Variants in ADAMTSL3 observed in about 807,000 individuals in gnomAD.
ADAMTSL3 encodes the protein ADAMTS-like protein 3.
A neutral mutation model predicts 201.7 loss-of-function variants in ADAMTSL3; 128 were observed. The observed-to-expected ratio is 0.63, with a 90% CI of 0.55 to 0.73. The LOEUF is 0.73. Ranked by LOEUF, ADAMTSL3 falls within the 30% of genes least tolerant of loss-of-function variation. ADAMTSL3 has a pLI of 0.00. For synonymous variants in ADAMTSL3, 738 were observed against 748.4 expected, an observed-to-expected ratio of 0.99 and a Z score of 0.23; for missense variants, 1,990 against 2,119.6, an observed-to-expected ratio of 0.94 and a Z score of 1.20.
rs532186765 is a variant in ADAMTSL3 at position 84,038,602 on chromosome 15, C to T, written c.*796C>T. The T allele has an allele frequency of 2.0e-5, 3 of 152,692 alleles. No individual in the cohort carries two copies. The highest frequency in any genetic ancestry group is 4.1e-4 in the South Asian group (2 of 4,824). 9.5% of individuals were successfully genotyped at this position (152,692 alleles called of 1,614,324 possible). ...TTTTTCTAAGCACTATTCTATTGCA[C>T]ACAAACAGAAAACCAAAGCCTTATT... is the stretch of plus-strand genomic sequence containing the variant. On this transcript the variant is annotated 3_prime_UTR_variant, in exon 30 of 30. Transcript: ENST00000286744.
At chr15:83,658,464 C>G (rs2061121639) in intron 2 of ADAMTSL3, among the ~76,000 whole-genome samples, 1 of 152,190 alleles carries the variant, frequency 6.6e-6, no homozygotes, top group Non-Finnish European at 1.5e-5. Context: ...TATTCACTGC[C>G]CACAAATAAT....
At chr15:83,833,432 A>T (rs1329837141) in intron 6 of ADAMTSL3, among the ~76,000 whole-genome samples, 1 of 151,918 alleles carries the variant, frequency 6.6e-6, no homozygotes, top group African/African-American at 2.4e-5. Flanking sequence ...TGAGGTCTCT[A>T]CCCTCATGAC....
intron 2 of ADAMTSL3, among the ~76,000 whole-genome samples, chr15:83,700,503 CCT>C (rs2061757481): frequency 6.6e-6 from 1 of 152,202 alleles, no homozygotes; most frequent in Admixed American, 6.5e-5. Context: ...GTGGCTCATG[CCT>C]GTAATCCCAG....
At chr15:83,808,770 T>C (rs1596247532) in intron 5 of ADAMTSL3, among the ~76,000 whole-genome samples, 1 of 152,162 alleles carries the variant, frequency 6.6e-6, no homozygotes, top group East Asian at 1.9e-4. Flanking sequence ...ATGTGGTATA[T>C]ATACACAATG....
chr15:83,731,938 G>C (rs1400467878), intron 3 of ADAMTSL3, among the ~76,000 whole-genome samples: 1 of 151,966 alleles, frequency 6.6e-6, no homozygotes, highest in Non-Finnish European at 1.5e-5. Flanking sequence ...ATGGAGAGGA[G>C]ATGTTGGTTA....
chr15:83,655,714 T>G lies in ADAMTSL3; in HGVS notation c.-33-15T>G, dbSNP rs2061072823. On this transcript the variant is annotated splice_polypyrimidine_tract_variant and intron_variant, in intron 1 of 29. Coordinates refer to ENST00000286744, the MANE Select transcript of ADAMTSL3 (RefSeq NM_207517.3). ...GCCAGAGCTGGTTGGTAATGAACTC[T>G]TTCCTCGTTTGTAGGCTACAACTGA... 2 of 1,597,048 alleles carry G rather than the reference T, an allele frequency of 1.3e-6. No individual in the cohort carries two copies. Among genetic ancestry groups the G allele is most frequent in the Admixed American group, 1.7e-5 (1 of 59,700 alleles).
intron 21 of ADAMTSL3, among the ~76,000 whole-genome samples, chr15:83,987,252 T>A (rs1413011026): frequency 6.6e-6 from 1 of 152,246 alleles, no homozygotes; most frequent in Non-Finnish European, 1.5e-5. Flanking sequence ...CTGAGACACT[T>A]TCGCTGTTTT....
rs1487708786 is a variant in ADAMTSL3, at chr15:83,767,750, A to G, written c.190-5773A>G. On this transcript the variant is annotated intron_variant, in intron 3 of 29. Transcript: ENST00000286744. ...TCCCCACAAACCTTTCTGCCTCCTG[A>G]CATTTGATGACGGTAATTGGTATTA... 5.3e-5 allele frequency among the ~76,000 whole-genome samples: 8 copies of G among 152,166 alleles called. 1 individual carries two copies. The highest frequency in any genetic ancestry group is 5.2e-4 in the Admixed American group (8 of 15,268).
chr15:83,910,747 G>A (rs546037290), intron 15 of ADAMTSL3, among the ~76,000 whole-genome samples: 2 of 150,170 alleles, frequency 1.3e-5, no homozygotes, highest in South Asian at 2.1e-4. Context: ...CGATTCTCCT[G>A]CCTCAGCCTC....
chr15:84,020,435 G>A (rs1325319991), intron 25 of ADAMTSL3, among the ~76,000 whole-genome samples: 5 of 152,134 alleles, frequency 3.3e-5, no homozygotes, highest in South Asian at 4.1e-4. Flanking sequence ...CTCAGTAAAC[G>A]TATCTACTTT....
At chr15:83,743,509 G>C (rs2062491535) in intron 3 of ADAMTSL3, among the ~76,000 whole-genome samples, 1 of 121,064 alleles carries the variant, frequency 8.3e-6, no homozygotes, top group Non-Finnish European at 1.6e-5. Flanking sequence ...GACAGAGCGA[G>C]ACTCCGTCTC....
At chr15:83,674,847 G>T (rs1361029588) in intron 2 of ADAMTSL3, among the ~76,000 whole-genome samples, 4 of 147,994 alleles carry the variant, frequency 2.7e-5, no homozygotes, top group African/African-American at 9.9e-5. Flanking sequence ...TTTTGGGGGA[G>T]GATAAACATT....
intron 21 of ADAMTSL3, among the ~76,000 whole-genome samples, chr15:83,985,578 A>C (rs2067460150): frequency 6.6e-6 from 1 of 152,172 alleles, no homozygotes; most frequent in Admixed American, 6.5e-5. Context: ...TATGGACCCA[A>C]GGGTCAAGAT....
chr15:83,822,434 C>T lies in ADAMTSL3; in HGVS notation c.600+2387C>T, dbSNP rs528886085. On this transcript the variant is annotated intron_variant, in intron 6 of 29. Transcript: ENST00000286744. ...CCGGGCGGAGGGTCTCCTCACTTCT[C>T]AGACGGGGCGGTTGCCAGGCGGAGG... Among the ~76,000 whole-genome samples, 116 of 144,800 alleles carry T rather than the reference C, an allele frequency of 8.0e-4. 1 individual carries two copies. Among genetic ancestry groups the T allele is most frequent in the African/African-American group, 2.9e-3 (109 of 37,578 alleles). The allele number at this position is 144,800 out of a possible 152,430, so 95.0% of individuals were successfully genotyped here.
rs148403107 is a variant in ADAMTSL3 at position 83,836,070 on chromosome 15, T to C, written c.601-2019T>C. Among the ~76,000 whole-genome samples, 221 of 152,342 alleles carry C rather than the reference T, an allele frequency of 1.5e-3. 1 individual carries two copies. The highest frequency in any genetic ancestry group is 2.4e-3 in the Admixed American group (36 of 15,304). On this transcript the variant is annotated intron_variant, in intron 6 of 29. Transcript: ENST00000286744. ...ACAATATTCATGGCATAATGCCAGG[T>C]ACATGCTAAGCATTCAATAAAAATC...
At chr15:83,673,733 G>A (rs930417708) in intron 2 of ADAMTSL3, among the ~76,000 whole-genome samples, 11 of 152,220 alleles carry the variant, frequency 7.2e-5, no homozygotes, top group African/African-American at 2.7e-4. Context: ...GCTCTGTTTT[G>A]TAACATAGGA....
At chr15:83,701,181 C>T (rs1186451137) in intron 2 of ADAMTSL3, among the ~76,000 whole-genome samples, 2 of 152,092 alleles carry the variant, frequency 1.3e-5, no homozygotes, top group East Asian at 1.9e-4. Flanking sequence ...GGTATCCAGT[C>T]GGGGGTATAG....
chr15:83,801,651 A>AATATATATATATATATATATAT lies in ADAMTSL3; in HGVS notation c.318-2976_318-2955dup, dbSNP rs68098545. ...TTATATATATAAATATATAAATATA[A>AATATATATATATATATATATAT]ATATATATATATATATATATATATA... On this transcript the variant is annotated intron_variant, in intron 4 of 29. Coordinates refer to ENST00000286744, the MANE Select transcript of ADAMTSL3 (RefSeq NM_207517.3). 3.8e-4 allele frequency among the ~76,000 whole-genome samples: 12 copies of AATATATATATATATATATATAT among 31,258 alleles called. 1 individual carries two copies. The highest frequency in any genetic ancestry group is 6.7e-4 in the Non-Finnish European group (10 of 14,964). The allele number at this position is 31,258 out of a possible 152,430, so 20.5% of individuals were successfully genotyped here.
At chr15:83,773,256 A>G (rs2063014185) in intron 3 of ADAMTSL3, among the ~76,000 whole-genome samples, 1 of 152,212 alleles carries the variant, frequency 6.6e-6, no homozygotes, top group African/African-American at 2.4e-5. Flanking sequence ...TACTAAAAAT[A>G]CAAAAGTTAG....
Sources: allele counts gnomAD v4.1 joint callset (sites outside exome capture counted in the v4.1 genomes callset), GRCh38; gene constraint gnomAD v4.1.1; transcripts MANE v1.5; gene names NCBI Gene and HGNC (gene_info 2026-07-23, HGNC 2026-07-21).